Variants in ASB18 observed in about 807,000 individuals in gnomAD.
ASB18 encodes the protein ankyrin repeat and SOCS box protein 18.
ASB18 carries 33 observed loss-of-function variants against 33.4 expected under a neutral mutation model. The observed-to-expected ratio is 0.99, with a 90% CI of 0.75 to 1.32. The LOEUF (loss-of-function observed/expected upper bound fraction) is 1.32, where lower values mean the gene tolerates loss of function less well. Among genes scored for constraint, ASB18 ranks in the 40% most tolerant of loss-of-function variants. ASB18 has a pLI of 0.00. For synonymous variants in ASB18, 295 were observed against 307.6 expected (o/e 0.96, Z 0.43); for missense variants, 694 against 655.5 (o/e 1.06, Z -0.64).
intron 4 of ASB18, among the ~76,000 whole-genome samples, chr2:236,202,793 A>AT (rs1243978233): frequency 0.015 from 1,882 of 124,228 alleles, 30 homozygotes; most frequent in African/African-American, 0.057. Context: ...AAAAAAAAAA[A>AT]AATATATATA....
Position 236,244,436 on chromosome 2 carries a change from T to C in ASB18, c.206-3034A>G, listed in dbSNP as rs1418710794. Among the ~76,000 whole-genome samples, 1 of 152,304 alleles carries C rather than the reference T, an allele frequency of 6.6e-6. No individual in the cohort carries two copies. Among genetic ancestry groups the C allele is most frequent in the Admixed American group, 6.5e-5 (1 of 15,300 alleles). Reference sequence around the variant, plus strand: ...CCCATGGGATCCCATCCCCACATGGTGTTGCAACCAGGAAGCAACAGCAGA... The same window carrying C: ...CCCATGGGATCCCATCCCCACATGGCGTTGCAACCAGGAAGCAACAGCAGA... On this transcript the variant is annotated intron_variant, in intron 1 of 5. Coordinates refer to ENST00000409749, the MANE Select transcript of ASB18 (RefSeq NM_212556.4). This position sits in a 1 kb window ranked among gnomAD's most constrained non-coding sequence, Gnocchi z 6.1.
rs538358327 is a variant in ASB18 at position 236,213,153 on chromosome 2, C to G, written c.1101+1209G>C. On this transcript the variant is annotated intron_variant, in intron 4 of 5. Coordinates refer to ENST00000409749, the MANE Select transcript of ASB18 (RefSeq NM_212556.4). This position sits in a 1 kb window ranked among gnomAD's most constrained non-coding sequence, Gnocchi z 4.8. ...GCATTTCTTCCCTTTCAGGAGTCCA[C>G]TATATTGAAATCATTGCCTTAGTGG... is the stretch of plus-strand genomic sequence containing the variant. Among the ~76,000 whole-genome samples, 61 of 152,082 alleles carry G rather than the reference C, an allele frequency of 4.0e-4. No homozygotes were observed. Among genetic ancestry groups the G allele is most frequent in the African/African-American group, 1.2e-3 (51 of 41,502 alleles).
chr2:236,195,520 C>CT lies in ASB18; in HGVS notation c.1216-464dup, dbSNP rs397827646. ...AAACACACACAACTCTTCTCACTCT[C>CT]TTTTTTTTTTTTTGAGATGGAGTCT... is the stretch of plus-strand genomic sequence containing the variant. On this transcript the variant is annotated intron_variant, in intron 5 of 5. Transcript: ENST00000409749. The surrounding 1 kb of genome is among the most constrained non-coding windows in gnomAD (Gnocchi z 5.5). Among the ~76,000 whole-genome samples, 18,090 of 144,632 alleles carry CT rather than the reference C, an allele frequency of 0.13. 1,211 individuals carry two copies. Among genetic ancestry groups the CT allele is most frequent in the Middle Eastern group, 0.22 (61 of 278 alleles). The allele number at this position is 144,632 out of a possible 152,430, so 94.9% of individuals were successfully genotyped here.
rs944713583 is a variant in ASB18 at position 236,200,735 on chromosome 2, A to G, written c.1102-4350T>C. 6.6e-6 allele frequency among the ~76,000 whole-genome samples: 1 copy of G among 152,228 alleles called. No homozygotes were observed. The highest frequency in any genetic ancestry group is 2.4e-5 in the African/African-American group (1 of 41,462). ...GGTGGAAGGAAGAGATCTTCACTCT[A>G]TCGATGAATAAGCACCCTTTTCTCA... On this transcript the variant is annotated intron_variant, in intron 4 of 5. Coordinates refer to ENST00000409749, the MANE Select transcript of ASB18 (RefSeq NM_212556.4). The surrounding 1 kb of genome is among the most constrained non-coding windows in gnomAD (Gnocchi z 4.2).
intron 4 of ASB18, among the ~76,000 whole-genome samples, chr2:236,212,471 C>A (rs553683176): frequency 2.6e-5 from 4 of 152,156 alleles, no homozygotes; most frequent in Non-Finnish European, 5.9e-5. Context: ...TCAAGGCTAA[C>A]AAAGGATTAT....
chr2:236,240,634 T>A (rs1371678857), intron 2 of ASB18, among the ~76,000 whole-genome samples: 1 of 151,918 alleles, frequency 6.6e-6, no homozygotes, highest in Non-Finnish European at 1.5e-5. Flanking sequence ...ACATCTTGAG[T>A]GGGCAGGGGG....
chr2:236,227,261 T>C (rs1286866268), intron 3 of ASB18, among the ~76,000 whole-genome samples: 11 of 152,020 alleles, frequency 7.2e-5, no homozygotes, highest in Non-Finnish European at 4.4e-5. Flanking sequence ...AGCAAATAAA[T>C]CATAAATGAC....
chr2:236,230,446 G>A lies in ASB18; in HGVS notation c.596+7243C>T, dbSNP rs549947774. Among the ~76,000 whole-genome samples, 8 of 150,892 alleles carry A rather than the reference G, an allele frequency of 5.3e-5. No individual in the cohort carries two copies. The South Asian group carries it at 1.7e-3, about 32-fold the overall frequency. On this transcript the variant is annotated intron_variant, in intron 3 of 5. Transcript: ENST00000409749. ...AGGGAAGTGGAAATGGTAACTATAT[G>A]AGTAAACATAAACACTTGTTTCTTA... is the stretch of plus-strand genomic sequence containing the variant.
In ASB18 at chr2:236,237,258, T is replaced by C. The variant is rs73999263; in HGVS notation, c.596+431A>G. 0.057 allele frequency among the ~76,000 whole-genome samples: 8,600 copies of C among 151,292 alleles called. 539 individuals are homozygous for C. Among genetic ancestry groups the C allele is most frequent in the African/African-American group, 0.16 (6,470 of 41,482 alleles). On this transcript the variant is annotated intron_variant, in intron 3 of 5. Transcript: ENST00000409749. The surrounding 1 kb of genome is among the most constrained non-coding windows in gnomAD (Gnocchi z 6.2). ...TTTTAGCATCCCCGGCGCCGGCGGC[T>C]GGGCTGTGATCACCGCGCTCATTAC...
At position 236,220,941 on chromosome 2, in the gene ASB18, A is replaced by G. The variant is rs2060508104; in HGVS notation, c.597-6075T>C. On this transcript the variant is annotated intron_variant, in intron 3 of 5. Transcript: ENST00000409749. This position sits in a 1 kb window ranked among gnomAD's most constrained non-coding sequence, Gnocchi z 5.1. Reference sequence around the variant, plus strand: ...GACAGACTCACCGACAGGACACTGAAGGCAGGGCAAGGCGACCCATGGACC... The same window carrying G: ...GACAGACTCACCGACAGGACACTGAGGGCAGGGCAAGGCGACCCATGGACC... 6.6e-6 allele frequency among the ~76,000 whole-genome samples: 1 copy of G among 152,178 alleles called. No homozygotes were observed. Among genetic ancestry groups the G allele is most frequent in the African/African-American group, 2.4e-5 (1 of 41,440 alleles).
rs1040180206 is a variant in ASB18 at position 236,204,110 on chromosome 2, T to C, written c.1102-7725A>G. Among the ~76,000 whole-genome samples the C allele has an allele frequency of 6.6e-5, 10 of 152,178 alleles. No homozygotes were observed. Among genetic ancestry groups the C allele is most frequent in the Admixed American group, 5.9e-4 (9 of 15,294 alleles). ...ATCTGGGGATGGATTTCCCCCTTCC[T>C]GAGCTCTTCGTTAGTGTTATCTCTT... On this transcript the variant is annotated intron_variant, in intron 4 of 5. Coordinates refer to ENST00000409749, the MANE Select transcript of ASB18 (RefSeq NM_212556.4). The surrounding 1 kb of genome is among the most constrained non-coding windows in gnomAD (Gnocchi z 5.1).
At position 236,204,760 on chromosome 2, in the gene ASB18, T is replaced by C. The variant is rs1404415314; in HGVS notation, c.1102-8375A>G. ...GTCTCTTGGGCTGGAATCAGAGTCA[T>C]CCATTGCTCCTGTTTCTCCTACACT... is the stretch of plus-strand genomic sequence containing the variant. On this transcript the variant is annotated intron_variant, in intron 4 of 5. Coordinates refer to ENST00000409749, the MANE Select transcript of ASB18 (RefSeq NM_212556.4). The surrounding 1 kb of genome is among the most constrained non-coding windows in gnomAD (Gnocchi z 5.1). Among the ~76,000 whole-genome samples, 2 of 148,768 alleles carry C rather than the reference T, an allele frequency of 1.3e-5. No homozygotes were observed. The highest frequency in any genetic ancestry group is 3.0e-5 in the Non-Finnish European group (2 of 67,688).
At position 236,238,007 on chromosome 2, in the gene ASB18, G is replaced by A; in HGVS notation, c.329-51C>T. On this transcript the variant is annotated intron_variant, in intron 2 of 5. Transcript: ENST00000409749. The surrounding 1 kb of genome is among the most constrained non-coding windows in gnomAD (Gnocchi z 5.2). ...GGTCAGGGGGAGGTTAGTTGTGGTG[G>A]TGGTGGGCGGTGTTCCTTAAGGCGG... 1 of 1,421,748 alleles carries A rather than the reference G, an allele frequency of 7.0e-7. No homozygotes were observed. Among genetic ancestry groups the A allele is most frequent in the South Asian group, 1.4e-5 (1 of 69,666 alleles). The allele number at this position is 1,421,748 out of a possible 1,614,324, so 88.1% of individuals were successfully genotyped here. A position where few individuals can be genotyped will look rare whatever the true frequency, so the allele number is the denominator to read the frequency against.
rs1281752094 is a variant in ASB18, at chr2:236,197,105, A to G, written c.1102-720T>C. On this transcript the variant is annotated intron_variant, in intron 4 of 5. Coordinates refer to ENST00000409749, the MANE Select transcript of ASB18 (RefSeq NM_212556.4). ...CATCAACCCATGGTTGATCCTGCCC[A>G]TCCACTTCTCCTAAGATTAAAGCAA... Among the ~76,000 whole-genome samples the G allele has an allele frequency of 2.0e-5, 3 of 150,872 alleles. No individual in the cohort carries two copies. In the East Asian group the frequency reaches 6.0e-4, roughly 30 times the overall value.
chr2:236,202,652 ACCTGTAGT>A (rs1269344628), intron 4 of ASB18, among the ~76,000 whole-genome samples: 1 of 151,348 alleles, frequency 6.6e-6, no homozygotes, highest in African/African-American at 2.4e-5. Flanking sequence ...GGTGGCATGC[ACCTGTAGT>A]CCCAGCTACT....
In ASB18 at chr2:236,221,185, G is replaced by GACTCCAC. The variant is rs1172150709; in HGVS notation, c.597-6326_597-6320dup. On this transcript the variant is annotated intron_variant, in intron 3 of 5. Transcript: ENST00000409749. This position sits in a 1 kb window ranked among gnomAD's most constrained non-coding sequence, Gnocchi z 5.6. ...CCCACTATCCAGTGGTGAATACAAGGACTCCACAACCACCAAAAGATGATG... is the reference window on the plus strand; with the variant it reads ...CCCACTATCCAGTGGTGAATACAAGGACTCCACACTCCACAACCACCAAAAGATGATG... Among the ~76,000 whole-genome samples the GACTCCAC allele has an allele frequency of 2.6e-5, 4 of 151,800 alleles. No individual in the cohort carries two copies. Among genetic ancestry groups the GACTCCAC allele is most frequent in the African/African-American group, 4.9e-5 (2 of 41,162 alleles).
rs6741020 is a variant in ASB18 at position 236,216,924 on chromosome 2, T to C, written c.597-2058A>G. Among the ~76,000 whole-genome samples, 39,725 of 151,948 alleles carry C rather than the reference T, an allele frequency of 0.26. 6,271 individuals carry two copies. The highest frequency in any genetic ancestry group is 0.45 in the African/African-American group (18,594 of 41,406). On this transcript the variant is annotated intron_variant, in intron 3 of 5. Transcript: ENST00000409749. The surrounding 1 kb of genome is among the most constrained non-coding windows in gnomAD (Gnocchi z 6.1). ...ACCAGGTATGGTGCTGAGAGCACAC[T>C]CTGCCGTGCCATGCCCCCATGCCCT...
rs58832313 is a variant in ASB18 at position 236,251,034 on chromosome 2, C to G, written c.206-9632G>C. On this transcript the variant is annotated intron_variant, in intron 1 of 5. Coordinates refer to ENST00000409749, the MANE Select transcript of ASB18 (RefSeq NM_212556.4). The surrounding 1 kb of genome is among the most constrained non-coding windows in gnomAD (Gnocchi z 5.3). The stretch of plus-strand genomic sequence containing the variant: ...ATCTCATTTCCATCATGTGGAGGAA[C>G]ACAATAAGGGAGGAAACCACCTCAC... 0.11 allele frequency among the ~76,000 whole-genome samples: 17,305 copies of G among 152,230 alleles called. 1,047 individuals carry two copies. Among genetic ancestry groups the G allele is most frequent in the Middle Eastern group, 0.23 (69 of 294 alleles).
intron 4 of ASB18, among the ~76,000 whole-genome samples, chr2:236,202,722 T>C (rs1200639146): frequency 2.1e-5 from 3 of 142,754 alleles, no homozygotes; most frequent in African/African-American, 8.0e-5. Context: ...GAGGTTGCAG[T>C]GAGTTGAGAT....
Sources: allele counts gnomAD v4.1 joint callset (sites outside exome capture counted in the v4.1 genomes callset), GRCh38; gene constraint gnomAD v4.1.1; non-coding constraint Gnocchi (gnomAD v3.1); transcripts MANE v1.5; gene names NCBI Gene and HGNC (gene_info 2026-07-23, HGNC 2026-07-21).